The following NDUFC1 variants were observed in gnomAD, a reference collection of about 807,000 sequenced individuals.
The protein encoded by NDUFC1 is NADH:ubiquinone oxidoreductase subunit C1.
A neutral mutation model predicts 11.6 loss-of-function variants in NDUFC1; 11 were observed. The observed-to-expected ratio is 0.95, with a 90% CI of 0.60 to 1.58. NDUFC1 has a LOEUF of 1.58. Ranked by LOEUF, NDUFC1 falls within the 40% of genes most tolerant of loss-of-function variation. NDUFC1 has a pLI of 0.00. For missense variants in NDUFC1, 112 were observed against 93.0 expected, an observed-to-expected ratio of 1.20 and a Z score of -0.84; for synonymous variants, 52 against 42.2, an observed-to-expected ratio of 1.23 and a Z score of -0.90.
intron 1 of NDUFC1, chr4:139,301,895 T>TA (rs1745773548): frequency 4.0e-6 from 6 of 1,518,622 alleles, no homozygotes; most frequent in Middle Eastern, 1.7e-4. Flanking sequence ...CTGTCACCCC[T>TA]AACCTCGGCC....
At chr4:139,293,992 A>C (rs996993629) in intron 4 of NDUFC1, among the ~76,000 whole-genome samples, 2 of 119,882 alleles carry the variant, frequency 1.7e-5, no homozygotes, top group East Asian at 5.4e-4. Context: ...CCCAGGCTGG[A>C]GTGCGGTAGC....
chr4:139,290,420 C>T (rs1306184944), intron 5 of NDUFC1, among the ~76,000 whole-genome samples: 1 of 148,002 alleles, frequency 6.8e-6, no homozygotes, highest in African/African-American at 2.5e-5. Context: ...ACTGAGATTA[C>T]AGGCATGAGC....
chr4:139,298,387 G>C (rs1012407080), intron 1 of NDUFC1, among the ~76,000 whole-genome samples: 2 of 148,840 alleles, frequency 1.3e-5, no homozygotes, highest in African/African-American at 5.0e-5. Context: ...GCGGTGAGCT[G>C]AGATCGCACC....
At chr4:139,294,045 C>G (rs1745350295) in intron 4 of NDUFC1, among the ~76,000 whole-genome samples, 1 of 146,920 alleles carries the variant, frequency 6.8e-6, no homozygotes, top group South Asian at 2.2e-4. Flanking sequence ...GGGTTCACAC[C>G]ATTCTGCTGT....
At chr4:139,290,375 GC>G (rs1388860624) in intron 5 of NDUFC1, among the ~76,000 whole-genome samples, 3 of 146,250 alleles carry the variant, frequency 2.1e-5, no homozygotes, top group African/African-American at 7.7e-5. Flanking sequence ...AAACTCCTGG[GC>G]ATATGCTATC....
chr4:139,295,110 G>A lies in NDUFC1; in HGVS notation c.104C>T (p.Pro35Leu), dbSNP rs561198975. Reference sequence around the variant, plus strand: ...TTTCAGCCAGTCAGGTTTGGCATTCGGCGGCTCTCGCACGTAGAACTTTGA... The same window carrying A: ...TTTCAGCCAGTCAGGTTTGGCATTCAGCGGCTCTCGCACGTAGAACTTTGA... ...VRSKFYVREP[P>L]NAKPDWLKVG... The change falls in exon 4 of 6, where the codon CCG becomes CTG. Residue 35 changes from proline (P) to leucine (L), a missense_variant. Transcript: ENST00000394223. 1.2e-6 allele frequency: 2 copies of A among 1,614,144 alleles called. No individual in the cohort carries two copies. The highest frequency in any genetic ancestry group is 1.3e-5 in the African/African-American group (1 of 75,028).
intron 1 of NDUFC1, among the ~76,000 whole-genome samples, chr4:139,297,703 T>C (rs1745524936): frequency 6.6e-6 from 1 of 152,038 alleles, no homozygotes; most frequent in South Asian, 2.1e-4. Flanking sequence ...CAGTATAAAA[T>C]GCAAAAAACA....
chr4:139,294,795 T>C (rs1262904990), intron 4 of NDUFC1, among the ~76,000 whole-genome samples: 3 of 151,896 alleles, frequency 2.0e-5, no homozygotes, highest in African/African-American at 2.4e-5. Flanking sequence ...TACAAAACCA[T>C]GTTAAGGAAC....
At chr4:139,296,292 A>G (rs1745473762) in intron 2 of NDUFC1, 1 of 155,616 alleles carries the variant, frequency 6.4e-6, no homozygotes, top group Non-Finnish European at 1.4e-5. Flanking sequence ...CCAAGGTGAC[A>G]TATTATATTT....
chr4:139,292,950 A>T (rs545750558), intron 4 of NDUFC1, among the ~76,000 whole-genome samples: 1 of 152,016 alleles, frequency 6.6e-6, no homozygotes, highest in South Asian at 2.1e-4. Context: ...CCTCCTGAAT[A>T]GCTGGGATTA....
At chr4:139,301,721 G>A in intron 1 of NDUFC1, 6 of 1,525,052 alleles carry the variant, frequency 3.9e-6, no homozygotes, top group Non-Finnish European at 4.4e-6. Flanking sequence ...GGCGGCGGTC[G>A]GACAAACTGA....
At chr4:139,294,761 C>A (rs1458966438) in intron 4 of NDUFC1, among the ~76,000 whole-genome samples, 3 of 150,948 alleles carry the variant, frequency 2.0e-5, no homozygotes, top group Non-Finnish European at 2.9e-5. Flanking sequence ...AGTATAATTA[C>A]TATTTAGTAA....
chr4:139,292,618 A>T lies in NDUFC1; in HGVS notation c.172-9T>A. 6.8e-7 allele frequency: 1 copy of T among 1,480,274 alleles called. No individual in the cohort carries two copies. 91.7% of individuals were successfully genotyped at this position (1,480,274 alleles called of 1,614,324 possible). The stretch of plus-strand genomic sequence containing the variant: ...TTGTGTTGTTTGATGAGCTACAAAG[A>T]GTTAAACAGTTAAAATTAGAAATGT... On this transcript the variant is annotated splice_polypyrimidine_tract_variant and intron_variant, in intron 4 of 5. Coordinates refer to ENST00000394223, the MANE Select transcript of NDUFC1 (RefSeq NM_001184989.2).
At chr4:139,300,777 GTC>G (rs771718082) in intron 1 of NDUFC1, 5 of 152,114 alleles carry the variant, frequency 3.3e-5, no homozygotes, top group Non-Finnish European at 5.9e-5. Flanking sequence ...CTGTCTTTAA[GTC>G]TCCACTACTC....
At chr4:139,302,363 G>A (rs1179211674) in intron 1 of NDUFC1, 53 bp downstream of exon 1, 6 of 153,654 alleles carry the variant, frequency 3.9e-5, no homozygotes, top group Non-Finnish European at 7.2e-5. Context: ...AATGACCTGA[G>A]AGGAGGGAAA....
chr4:139,296,889 T>C (rs1383330243), intron 2 of NDUFC1, among the ~76,000 whole-genome samples: 1 of 152,254 alleles, frequency 6.6e-6, no homozygotes, highest in African/African-American at 2.4e-5. Flanking sequence ...AAATCTCCTA[T>C]ATTCTCTTTA....
At chr4:139,296,025 T>TG in intron 2 of NDUFC1, 65 bp from the exon 3 acceptor site, 1 of 511,234 alleles carries the variant, frequency 2.0e-6, no homozygotes, top group East Asian at 3.6e-5. Flanking sequence ...CTCTGTCCTC[T>TG]GGGGGTTTTT....
chr4:139,299,189 T>C lies in NDUFC1; in HGVS notation c.-221-1746A>G, dbSNP rs1038414483. Among the ~76,000 whole-genome samples, 4 of 151,812 alleles carry C rather than the reference T, an allele frequency of 2.6e-5. No individual in the cohort carries two copies. The East Asian group carries it at 7.8e-4, about 30-fold the overall frequency. ...TTCACCATGTTGGTCAGGCTGGTCT[T>C]GAACTCCTGACCTTGTGATCCGCCC... On this transcript the variant is annotated intron_variant, in intron 1 of 5. Coordinates refer to ENST00000394223, the MANE Select transcript of NDUFC1 (RefSeq NM_001184989.2).
chr4:139,294,184 C>A (rs1242097997), intron 4 of NDUFC1, among the ~76,000 whole-genome samples: 1 of 151,738 alleles, frequency 6.6e-6, no homozygotes, highest in Non-Finnish European at 1.5e-5. Context: ...ACCTCGTGAT[C>A]CGCCCACCTT....
Sources: gnomAD v4.1 joint callset for allele counts (sites outside exome capture counted in the v4.1 genomes callset) on GRCh38, gnomAD v4.1.1 for gene constraint, MANE v1.5 for transcripts, NCBI Gene and HGNC (gene_info 2026-07-23, HGNC 2026-07-21) for gene names.